The following SYNE1 variants were observed in gnomAD, a reference collection of about 807,000 sequenced individuals.
SYNE1 encodes the protein nesprin-1.
Under a neutral mutation model 1,111.0 loss-of-function variants are expected in SYNE1, and 616 were observed. The observed-to-expected ratio is 0.55, with a 90% CI of 0.52 to 0.59. The LOEUF is 0.59. SYNE1 is among the 20% of genes least tolerant of loss of function. The pLI is 0.00. For synonymous variants in SYNE1, 3,855 were observed against 3,825.8 expected, an observed-to-expected ratio of 1.01 and a Z score of -0.28; for missense variants, 10,006 against 10,417.0, an observed-to-expected ratio of 0.96 and a Z score of 1.72.
chr6:152,434,126 A>G (rs1375913473), intron 33 of SYNE1, 181 bp from the exon 34 acceptor site: 2 of 610,864 alleles, frequency 3.3e-6, no homozygotes, highest in African/African-American at 1.9e-5. Flanking sequence ...AGGTTTTCCT[A>G]TCTTCTCTGA....
chr6:152,622,379 T>C (rs2099677373), intron 3 of SYNE1, among the ~76,000 whole-genome samples: 1 of 152,102 alleles, frequency 6.6e-6, no homozygotes, highest in Non-Finnish European at 1.5e-5. Flanking sequence ...ATATCAAGCA[T>C]AGTACTTATT....
intron 96 of SYNE1, among the ~76,000 whole-genome samples, chr6:152,283,323 A>G (rs900706497): frequency 6.6e-6 from 1 of 152,226 alleles, no homozygotes; most frequent in Admixed American, 6.5e-5. Flanking sequence ...AGTGTTAGTA[A>G]TATCATCCAT....
At chr6:152,450,856 A>G (rs934661747) in intron 26 of SYNE1, 23 bp from the exon 27 acceptor site, 5 of 1,612,248 alleles carry the variant, frequency 3.1e-6, no homozygotes, top group Non-Finnish European at 4.2e-6. Context: ...AAATGTTTTT[A>G]TAATCCCTGT....
Position 152,206,261 on chromosome 6 carries a change from G to A in SYNE1, c.22926C>T (p.Ala7642=). 1 of 1,613,914 alleles carries A rather than the reference G, an allele frequency of 6.2e-7. No homozygotes were observed. Among genetic ancestry groups the A allele is most frequent in the Non-Finnish European group, 8.5e-7 (1 of 1,180,024 alleles). The change falls in exon 126 of 146, where the codon GCC becomes GCT. Residue 7642 remains alanine (A), a synonymous_variant. Coordinates refer to ENST00000367255, the MANE Select transcript of SYNE1 (RefSeq NM_182961.4). ...LLSADSGAEA[A]LQAELAEIQE... Reference sequence around the variant, plus strand: ...GGATTTCAGCGAGTTCGGCCTGCAAGGCGGCCTCAGCGCCACTGTCCGCCG... The same window carrying A: ...GGATTTCAGCGAGTTCGGCCTGCAAAGCGGCCTCAGCGCCACTGTCCGCCG...
intron 39 of SYNE1, among the ~76,000 whole-genome samples, chr6:152,419,925 C>G (rs1046711184): frequency 6.6e-6 from 1 of 152,204 alleles, no homozygotes; most frequent in African/African-American, 2.4e-5. Context: ...ACCATTCACC[C>G]TGTTGGTCCT....
At position 152,235,001 on chromosome 6, in the gene SYNE1, T is replaced by C. The variant is rs191211561; in HGVS notation, c.20397-201A>G. Among the ~76,000 whole-genome samples, 516 of 152,332 alleles carry C rather than the reference T, an allele frequency of 3.4e-3. 3 individuals carry two copies. Among genetic ancestry groups the C allele is most frequent in the African/African-American group, 0.012 (492 of 41,586 alleles). On this transcript the variant is annotated intron_variant, in intron 110 of 145. Coordinates refer to ENST00000367255, the MANE Select transcript of SYNE1 (RefSeq NM_182961.4). ...CTCTCTGGGTTTCCGCTGGCCTGTC[T>C]TTAAGCTGGGTATAAAAATACCTTT...
chr6:152,609,063 G>A (rs1376080829), intron 3 of SYNE1, among the ~76,000 whole-genome samples: 3 of 152,108 alleles, frequency 2.0e-5, no homozygotes, highest in Non-Finnish European at 2.9e-5. Flanking sequence ...CACAGAAGAC[G>A]GGTGATTTCT....
intron 130 of SYNE1, among the ~76,000 whole-genome samples, chr6:152,170,931 G>T (rs1308437274): frequency 6.6e-6 from 1 of 152,136 alleles, no homozygotes; most frequent in Non-Finnish European, 1.5e-5. Context: ...TGTTCTTGTG[G>T]TAGCGAATAA....
At chr6:152,179,904 T>C (rs1436592523) in intron 129 of SYNE1, among the ~76,000 whole-genome samples, 4 of 151,720 alleles carry the variant, frequency 2.6e-5, no homozygotes, top group Non-Finnish European at 5.9e-5. Flanking sequence ...AGGATGGTCT[T>C]GATCTCCTGA....
intron 128 of SYNE1, 32 bp downstream of exon 128, chr6:152,189,220 C>A: frequency 6.2e-7 from 1 of 1,611,360 alleles, no homozygotes. Context: ...TTTCCATCAT[C>A]AAGATAATTC....
In SYNE1 at chr6:152,225,715, T is replaced by C. The variant is rs760934207; in HGVS notation, c.21351+6A>G. The C allele has an allele frequency of 1.7e-5, 28 of 1,613,998 alleles. No homozygotes were observed. Among genetic ancestry groups the C allele is most frequent in the Admixed American group, 1.0e-4 (6 of 60,002 alleles). ...CCTGGAGCTGGCTTTCTGTGAGCAATATTACCATGTGATCTAAATTTGCCC... is the reference window on the plus strand; with the variant it reads ...CCTGGAGCTGGCTTTCTGTGAGCAACATTACCATGTGATCTAAATTTGCCC... On this transcript the variant is annotated splice_donor_region_variant and intron_variant, in intron 116 of 145. Transcript: ENST00000367255.
intron 45 of SYNE1, among the ~76,000 whole-genome samples, chr6:152,405,662 A>G (rs2097887465): frequency 6.6e-6 from 1 of 152,170 alleles, no homozygotes; most frequent in African/African-American, 2.4e-5. Flanking sequence ...TGACTTTTGC[A>G]AGCTGGTATA....
Position 152,308,523 on chromosome 6 carries a change from A to G in SYNE1, c.17312T>C (p.Ile5771Thr), listed in dbSNP as rs1168260544. The change falls in exon 91 of 146, where the codon ATA (isoleucine) becomes ACA (threonine). Residue 5771 changes from isoleucine to threonine, a missense_variant. This residue lies in a region of SYNE1 where 4,955 missense variants were observed against 5,017.2 expected (regional missense o/e 0.99). Coordinates refer to ENST00000367255, the MANE Select transcript of SYNE1 (RefSeq NM_182961.4). ...AGAAATCTGAGCCTGCAGCTCCTGT[A>G]TGTTACTGGTGGCAACAGGTTTATC... Reference protein sequence around the residue: ...IEDKPVATSNIQELQAQISRH... With the variant: ...IEDKPVATSNTQELQAQISRH... The G allele has an allele frequency of 3.1e-6, 5 of 1,613,786 alleles. No homozygotes were observed. Among genetic ancestry groups the G allele is most frequent in the Non-Finnish European group, 4.2e-6 (5 of 1,179,992 alleles).
chr6:152,542,943 C>T (rs1318838181), intron 3 of SYNE1, among the ~76,000 whole-genome samples: 1 of 151,966 alleles, frequency 6.6e-6, no homozygotes, highest in Non-Finnish European at 1.5e-5. Context: ...ATTATACATT[C>T]TTTTATAAAC....
intron 93 of SYNE1, among the ~76,000 whole-genome samples, chr6:152,300,220 G>A (rs934076337): frequency 2.6e-5 from 4 of 152,116 alleles, no homozygotes; most frequent in South Asian, 2.1e-4. Flanking sequence ...ATAAATGGAA[G>A]TTTCCTGTCT....
intron 25 of SYNE1, 132 bp downstream of exon 25, chr6:152,453,451 TGAG>T: frequency 7.6e-7 from 1 of 1,311,852 alleles, no homozygotes; most frequent in Non-Finnish European, 1.1e-6. Flanking sequence ...TCCAGTTTTT[TGAG>T]TTTTTAAATG....
chr6:152,353,806 A>G (rs1327135915), intron 67 of SYNE1, 62 bp from the exon 68 acceptor site: 4 of 1,594,728 alleles, frequency 2.5e-6, no homozygotes, highest in South Asian at 2.2e-5. Flanking sequence ...AGCCAAATGT[A>G]TATCTTCTTA....
At chr6:152,594,590 T>C (rs1472253288) in intron 3 of SYNE1, among the ~76,000 whole-genome samples, 3 of 152,234 alleles carry the variant, frequency 2.0e-5, no homozygotes, top group South Asian at 4.1e-4. Context: ...ACAGGGTGAA[T>C]TATTTTAAAT....
At chr6:152,490,555 C>A (rs1298317344) in intron 11 of SYNE1, among the ~76,000 whole-genome samples, 2 of 152,130 alleles carry the variant, frequency 1.3e-5, no homozygotes, top group African/African-American at 4.8e-5. Context: ...CACCTTGTAA[C>A]CCCTGCCTCT....
Sources: allele counts gnomAD v4.1 joint callset (sites outside exome capture counted in the v4.1 genomes callset), GRCh38; gene constraint gnomAD v4.1.1; regional missense constraint gnomAD v4.1.1; transcripts MANE v1.5; gene names NCBI Gene and HGNC (gene_info 2026-07-23, HGNC 2026-07-21).